Variants in SPAG17 observed in about 807,000 individuals in gnomAD.
SPAG17 encodes the protein sperm-associated antigen 17.
In SPAG17, 169 loss-of-function variants were observed where a neutral mutation model predicts 273.6. The ratio of observed to expected loss-of-function variants is 0.62; its 90% CI spans 0.55 to 0.70. SPAG17 has a LOEUF of 0.70. Ranked by LOEUF, SPAG17 falls within the 30% of genes least tolerant of loss-of-function variation. The pLI, the probability that SPAG17 is intolerant of heterozygous loss-of-function variation, is 0.00. For missense variants in SPAG17, 2,557 were observed against 2,627.8 expected (o/e 0.97, Z 0.59); for synonymous variants, 825 against 873.2 (o/e 0.94, Z 0.97).
intron 1 of SPAG17, among the ~76,000 whole-genome samples, chr1:118,169,089 A>G (rs1660302116): frequency 6.6e-6 from 1 of 152,198 alleles, no homozygotes; most frequent in Non-Finnish European, 1.5e-5. Flanking sequence ...ACATTTTCCT[A>G]GGATGTTGCC....
intron 48 of SPAG17, among the ~76,000 whole-genome samples, chr1:117,956,634 G>A (rs2101276959): frequency 6.6e-6 from 1 of 152,218 alleles, no homozygotes; most frequent in South Asian, 2.1e-4. Context: ...GCTAGTTCTA[G>A]AGGGAACTAT....
intron 4 of SPAG17, among the ~76,000 whole-genome samples, chr1:118,107,495 A>G (rs1322782637): frequency 6.6e-6 from 1 of 152,042 alleles, no homozygotes; most frequent in Non-Finnish European, 1.5e-5. Context: ...AATTATCAAT[A>G]TTTACCTCCC....
At chr1:118,080,867 T>A (rs1332486390) in intron 15 of SPAG17, among the ~76,000 whole-genome samples, 1 of 152,154 alleles carries the variant, frequency 6.6e-6, no homozygotes, top group Non-Finnish European at 1.5e-5. Flanking sequence ...TTTAATGATG[T>A]TTGCTGTGCT....
intron 3 of SPAG17, among the ~76,000 whole-genome samples, chr1:118,140,078 C>T (rs547837665): frequency 2.3e-4 from 35 of 152,188 alleles, no homozygotes; most frequent in African/African-American, 8.2e-4. Flanking sequence ...CGCATGGAGT[C>T]GCACCAGGAA....
In SPAG17 at chr1:118,039,456, C is replaced by A; in HGVS notation, c.3167-12G>T. The A allele has an allele frequency of 6.2e-7, 1 of 1,612,610 alleles. No homozygotes were observed. Among genetic ancestry groups the A allele is most frequent in the Non-Finnish European group, 8.5e-7 (1 of 1,179,146 alleles). ...GATAAAAGTTGGGCCTGAGGAGGAA[C>A]CATAGAATAGAAGATGGGCTGATTA... On this transcript the variant is annotated splice_polypyrimidine_tract_variant and intron_variant, in intron 22 of 48. Coordinates refer to ENST00000336338, the MANE Select transcript of SPAG17 (RefSeq NM_206996.4).
chr1:118,048,148 G>T (rs1650578763), intron 20 of SPAG17, among the ~76,000 whole-genome samples: 1 of 152,166 alleles, frequency 6.6e-6, no homozygotes, highest in South Asian at 2.1e-4. Context: ...TGCCTCCATG[G>T]ACTCAGGCTC....
At chr1:118,092,550 C>T (rs1655444057) in intron 8 of SPAG17, among the ~76,000 whole-genome samples, 1 of 152,204 alleles carries the variant, frequency 6.6e-6, no homozygotes, top group Admixed American at 6.5e-5. Context: ...ATCTTTGCCC[C>T]TGTCTTGAGA....
rs1450793091 is a variant in SPAG17, at chr1:118,001,099, G to T, written c.4776+4315C>A. 2.6e-5 allele frequency among the ~76,000 whole-genome samples: 4 copies of T among 152,090 alleles called. No individual in the cohort carries two copies. In the East Asian group the frequency reaches 7.7e-4, roughly 29 times the overall value. On this transcript the variant is annotated intron_variant, in intron 32 of 48. Coordinates refer to ENST00000336338, the MANE Select transcript of SPAG17 (RefSeq NM_206996.4). Reference sequence around the variant, plus strand: ...GATAATCATGTGGTTTTTGTTGTTGGTTCTGTTTATGTGATGGATTATGCT... The same window carrying T: ...GATAATCATGTGGTTTTTGTTGTTGTTTCTGTTTATGTGATGGATTATGCT...
rs1029761595 is a variant in SPAG17, at chr1:117,953,599, A to T, written c.*451T>A. 1.5e-5 allele frequency: 23 copies of T among 1,571,888 alleles called. No individual in the cohort carries two copies. In the Admixed American group the frequency reaches 4.2e-4, roughly 28 times the overall value. ...TTAATAAGATCTCAACTTTTTAGTA[A>T]AAGTTTTATTCTGTATCAACCAGAA... On this transcript the variant is annotated 3_prime_UTR_variant, in exon 49 of 49. Coordinates refer to ENST00000336338, the MANE Select transcript of SPAG17 (RefSeq NM_206996.4).
At chr1:118,151,146 A>G in intron 2 of SPAG17, 83 bp downstream of exon 2, 1 of 1,182,820 alleles carries the variant, frequency 8.5e-7, no homozygotes, top group Non-Finnish European at 1.1e-6. Context: ...GCCCAAGAAT[A>G]TGATAGTTTA....
chr1:118,148,009 G>C (rs1356172143), intron 3 of SPAG17, among the ~76,000 whole-genome samples: 1 of 152,188 alleles, frequency 6.6e-6, no homozygotes, highest in Admixed American at 6.5e-5. Context: ...CCTACAAGTA[G>C]AAGTAAATAC....
chr1:118,053,935 A>G, intron 20 of SPAG17, 67 bp downstream of exon 20: 1 of 1,198,988 alleles, frequency 8.3e-7, no homozygotes, highest in African/African-American at 1.5e-5. Context: ...CCCCAAAGTC[A>G]ACCACTATCC....
At chr1:118,009,944 C>A (rs1479872365) in intron 30 of SPAG17, among the ~76,000 whole-genome samples, 1 of 151,718 alleles carries the variant, frequency 6.6e-6, no homozygotes, top group Non-Finnish European at 1.5e-5. Context: ...TCATTTGCAA[C>A]AATATGGATA....
chr1:118,147,856 T>C (rs1049062994), intron 3 of SPAG17, among the ~76,000 whole-genome samples: 1 of 152,180 alleles, frequency 6.6e-6, no homozygotes, highest in Non-Finnish European at 1.5e-5. Context: ...TTACTACTCA[T>C]GGATGAAGTA....
chr1:117,986,133 A>G (rs959841929), intron 40 of SPAG17, among the ~76,000 whole-genome samples: 1 of 152,128 alleles, frequency 6.6e-6, no homozygotes, highest in Non-Finnish European at 1.5e-5. Flanking sequence ...ATACTAGTTG[A>G]CCTGTCTGGA....
intron 3 of SPAG17, among the ~76,000 whole-genome samples, chr1:118,136,303 T>C (rs994633903): frequency 6.6e-6 from 1 of 152,212 alleles, no homozygotes; most frequent in Non-Finnish European, 1.5e-5. Flanking sequence ...GCACTCGTGG[T>C]ATGCAGAAAT....
At chr1:118,138,366 G>A (rs1384078220) in intron 3 of SPAG17, among the ~76,000 whole-genome samples, 1 of 152,180 alleles carries the variant, frequency 6.6e-6, no homozygotes, top group Non-Finnish European at 1.5e-5. Flanking sequence ...GGTGAGGAAA[G>A]ACTGGGGATG....
intron 22 of SPAG17, 27 bp from the exon 23 acceptor site, chr1:118,039,471 T>C: frequency 6.2e-7 from 1 of 1,611,492 alleles, no homozygotes; most frequent in Non-Finnish European, 8.5e-7. Context: ...GAATAGAAGA[T>C]GGGCTGATTA....
At position 117,987,833 on chromosome 1, in the gene SPAG17, C is replaced by A. The variant is rs1174361432; in HGVS notation, c.5669+1G>T. 6.2e-7 allele frequency: 1 copy of A among 1,612,408 alleles called. No homozygotes were observed. The highest frequency in any genetic ancestry group is 8.5e-7 in the Non-Finnish European group (1 of 1,178,740). On this transcript the variant is annotated splice_donor_variant, in intron 40 of 48. Coordinates refer to ENST00000336338, the MANE Select transcript of SPAG17 (RefSeq NM_206996.4). LOFTEE classifies it high-confidence loss of function. ...TTATGTGCGTTTTGGGGTATAATTACCTCGTTTTGTCTATCTTTTCTTTCC... is the reference window on the plus strand; with the variant it reads ...TTATGTGCGTTTTGGGGTATAATTAACTCGTTTTGTCTATCTTTTCTTTCC...
Sources: gnomAD v4.1 joint callset for allele counts (sites outside exome capture counted in the v4.1 genomes callset) on GRCh38, gnomAD v4.1.1 for gene constraint, MANE v1.5 for transcripts, NCBI Gene and HGNC (gene_info 2026-07-23, HGNC 2026-07-21) for gene names.